CACNA1S: variants seen among roughly 807,000 people sequenced by gnomAD.
The protein encoded by CACNA1S is voltage-dependent L-type calcium channel subunit alpha-1S.
A neutral mutation model predicts 207.4 loss-of-function variants in CACNA1S; 126 were observed. The observed-to-expected ratio is 0.61, with a 90% CI of 0.53 to 0.70. The LOEUF (loss-of-function observed/expected upper bound fraction) is 0.70, where lower values mean the gene tolerates loss of function less well. CACNA1S is among the 30% of genes least tolerant of loss of function. The pLI is 0.00. For synonymous variants in CACNA1S, 960 were observed against 932.7 expected, an observed-to-expected ratio of 1.03 and a Z score of -0.53; for missense variants, 2,349 against 2,422.8, an observed-to-expected ratio of 0.97 and a Z score of 0.64.
intron 14 of CACNA1S, 29 bp downstream of exon 14, chr1:201,074,477 A>G: frequency 1.4e-6 from 2 of 1,421,688 alleles, no homozygotes; most frequent in Non-Finnish European, 2.0e-6. Context: ...TGAGCACTCC[A>G]GGTCCCTTCC....
At chr1:201,083,384 G>A in intron 9 of CACNA1S, 62 bp from the exon 10 acceptor site, 1 of 1,567,396 alleles carries the variant, frequency 6.4e-7, no homozygotes, top group Non-Finnish European at 8.8e-7. Flanking sequence ...ACCTGTCCAA[G>A]CTACCTTCAG....
intron 31 of CACNA1S, 150 bp from the exon 32 acceptor site, chr1:201,052,798 A>G: frequency 2.9e-6 from 2 of 693,342 alleles, no homozygotes; most frequent in Non-Finnish European, 5.2e-6. Flanking sequence ...CTGAAGCCAA[A>G]AAAAACGGGA....
At chr1:201,105,116 G>T (rs1163828620) in intron 2 of CACNA1S, among the ~76,000 whole-genome samples, 1 of 152,230 alleles carries the variant, frequency 6.6e-6, no homozygotes, top group Non-Finnish European at 1.5e-5. Context: ...AGAAAAGTTA[G>T]GGGTTTCAAG....
chr1:201,103,573 G>A (rs1236151318), intron 2 of CACNA1S, among the ~76,000 whole-genome samples: 2 of 152,144 alleles, frequency 1.3e-5, no homozygotes, highest in East Asian at 1.9e-4. Context: ...GTGGTGGGAG[G>A]GCAGGCTCCC....
intron 8 of CACNA1S, 138 bp downstream of exon 8, chr1:201,085,298 G>T: frequency 8.5e-7 from 1 of 1,175,532 alleles, no homozygotes. Context: ...ACCATTTTGA[G>T]CCATTTTGCT....
intron 41 of CACNA1S, 139 bp from the exon 42 acceptor site, chr1:201,040,852 G>A (rs1277644953): frequency 2.9e-6 from 2 of 692,678 alleles, no homozygotes; most frequent in Admixed American, 4.2e-5. Context: ...GTGTCTTAGA[G>A]GGTGGACACA....
rs142545189 is a variant in CACNA1S, at chr1:201,070,521, C to T, written c.2228-117G>A. ...AGCCAGTAAGCAAGGGACCACCAGG[C>T]TGACTTGGGACCCTAGGGCTTTGGC... is the stretch of plus-strand genomic sequence containing the variant. On this transcript the variant is annotated intron_variant, in intron 16 of 43. Transcript: ENST00000362061. 96 of 1,402,484 alleles carry T rather than the reference C, an allele frequency of 6.8e-5. 1 individual carries two copies. The East Asian group carries it at 2.2e-3, about 32-fold the overall frequency. The allele number at this position is 1,402,484 out of a possible 1,614,324, so 86.9% of individuals were successfully genotyped here. A position where few individuals can be genotyped will look rare whatever the true frequency, so the allele number is the denominator to read the frequency against.
At chr1:201,088,199 G>A (rs1662102296) in intron 6 of CACNA1S, among the ~76,000 whole-genome samples, 1 of 152,202 alleles carries the variant, frequency 6.6e-6, no homozygotes, top group Non-Finnish European at 1.5e-5. Flanking sequence ...CCAACCAAGA[G>A]TGTCTCCTAT....
At chr1:201,048,116 G>T (rs1166274542) in intron 36 of CACNA1S, among the ~76,000 whole-genome samples, 1 of 152,228 alleles carries the variant, frequency 6.6e-6, no homozygotes, top group Non-Finnish European at 1.5e-5. Context: ...TACAGTGTGA[G>T]CCCTGAGCAA....
intron 3 of CACNA1S, among the ~76,000 whole-genome samples, 199 bp downstream of exon 3, chr1:201,093,683 A>T (rs1662317224): frequency 6.6e-6 from 1 of 152,192 alleles, no homozygotes; most frequent in African/African-American, 2.4e-5. Flanking sequence ...ACCTGCGGGC[A>T]GGGTCGGGGG....
intron 7 of CACNA1S, 42 bp downstream of exon 7, chr1:201,087,784 C>G: frequency 7.4e-7 from 1 of 1,349,510 alleles, no homozygotes; most frequent in Non-Finnish European, 1.1e-6. Context: ...CTCCCCTCCT[C>G]CTCTTTCTCT....
intron 38 of CACNA1S, among the ~76,000 whole-genome samples, chr1:201,044,970 G>C (rs909237562): frequency 1.3e-5 from 2 of 152,172 alleles, no homozygotes; most frequent in Non-Finnish European, 2.9e-5. Flanking sequence ...CACCTTAATT[G>C]TTCCAATTGA....
At position 201,068,677 on chromosome 1, in the gene CACNA1S, C is replaced by T. The variant is rs1298839440; in HGVS notation, c.2550+460G>A. On this transcript the variant is annotated intron_variant, in intron 19 of 43. Transcript: ENST00000362061. ...CACAAGGTCAGCATATCAAGACCATCCCAGCCAACATGGTGAAACCCTGTC... is the reference window on the plus strand; with the variant it reads ...CACAAGGTCAGCATATCAAGACCATTCCAGCCAACATGGTGAAACCCTGTC... Among the ~76,000 whole-genome samples, 8 of 151,920 alleles carry T rather than the reference C, an allele frequency of 5.3e-5. 1 individual carries two copies. The highest frequency in any genetic ancestry group is 5.2e-4 in the Admixed American group (8 of 15,274).
intron 22 of CACNA1S, among the ~76,000 whole-genome samples, chr1:201,063,051 G>A (rs1013240967): frequency 1.3e-5 from 2 of 152,132 alleles, no homozygotes; most frequent in Non-Finnish European, 2.9e-5. Context: ...AGAGTCAAGC[G>A]GGGTCCCATG....
At chr1:201,077,163 G>A in intron 11 of CACNA1S, 36 bp from the exon 12 acceptor site, 1 of 1,572,300 alleles carries the variant, frequency 6.4e-7, no homozygotes, top group South Asian at 1.1e-5. Context: ...GGAGGAGACA[G>A]ACCCTCTCAC....
rs58170287 is a variant in CACNA1S, at chr1:201,056,070, G to GACACACACACACACAC, written c.3610-1525_3610-1510dup. Among the ~76,000 whole-genome samples the GACACACACACACACAC allele has an allele frequency of 3.6e-3, 344 of 94,894 alleles. 4 individuals carry two copies. Among genetic ancestry groups the GACACACACACACACAC allele is most frequent in the East Asian group, 0.026 (87 of 3,308 alleles). 62.3% of individuals were successfully genotyped at this position (94,894 alleles called of 152,430 possible). ...ACACACACAGACAGACAGACAGACA[G>GACACACACACACACAC]ACACACACACACACACACACACACA... On this transcript the variant is annotated intron_variant, in intron 28 of 43. Transcript: ENST00000362061.
chr1:201,058,476 G>T lies in CACNA1S; in HGVS notation c.3541C>A (p.Pro1181Thr). 1 of 1,614,036 alleles carries T rather than the reference G, an allele frequency of 6.2e-7. No individual in the cohort carries two copies. Among genetic ancestry groups the T allele is most frequent in the Non-Finnish European group, 8.5e-7 (1 of 1,179,886 alleles). ...ATCAGGAAGTCAAACACATTCCAGG[G>T]GTCTCCAAAGTAGCCCTGGGAAGGA... ...AFKARGYFGD[P>T]WNVFDFLIVI... The change falls in exon 28 of 44, where the codon CCC becomes ACC. Residue 1181 changes from proline (P) to threonine (T), a missense_variant. By Grantham distance (38) the Pro-to-Thr change is conservative (BLOSUM62 -1). Coordinates refer to ENST00000362061, the MANE Select transcript of CACNA1S (RefSeq NM_000069.3).
chr1:201,110,714 A>G (rs1316834994), intron 1 of CACNA1S, among the ~76,000 whole-genome samples: 2 of 152,140 alleles, frequency 1.3e-5, no homozygotes, highest in Non-Finnish European at 2.9e-5. Flanking sequence ...AAGGTTGAGA[A>G]CTCACTGAGT....
chr1:201,052,137 C>A (rs1334092114), intron 32 of CACNA1S, among the ~76,000 whole-genome samples: 1 of 152,238 alleles, frequency 6.6e-6, no homozygotes, highest in Non-Finnish European at 1.5e-5. Flanking sequence ...CCTGGCCAAG[C>A]ATAGGCCCCT....
Sources: allele counts gnomAD v4.1 joint callset (sites outside exome capture counted in the v4.1 genomes callset), GRCh38; gene constraint gnomAD v4.1.1; transcripts MANE v1.5; gene names NCBI Gene and HGNC (gene_info 2026-07-23, HGNC 2026-07-21).